SLCO1A2: variants seen among roughly 807,000 people sequenced by gnomAD.
SLCO1A2 encodes the protein OATP-1.
In SLCO1A2, 67 loss-of-function variants were observed where a neutral mutation model predicts 69.0. The observed-to-expected ratio is 0.97, with a 90% CI of 0.80 to 1.19. The LOEUF (loss-of-function observed/expected upper bound fraction) is 1.19. Among genes scored for constraint, SLCO1A2 ranks in the 50% most tolerant of loss-of-function variants. The probability of loss-of-function intolerance (pLI) is 0.00; values close to 1 mark genes in which losing one functional copy is unlikely to be tolerated. For missense variants in SLCO1A2, 787 were observed against 793.7 expected, an observed-to-expected ratio of 0.99 and a Z score of 0.10; for synonymous variants, 260 against 265.9, an observed-to-expected ratio of 0.98 and a Z score of 0.22.
intron 1 of SLCO1A2, among the ~76,000 whole-genome samples, chr12:21,410,857 T>C (rs1941896590): frequency 2.6e-5 from 4 of 152,218 alleles, no homozygotes; most frequent in South Asian, 2.1e-4. Context: ...TTTCTTCATA[T>C]GTTTATTGGC....
At chr12:21,373,739 A>G (rs572557497) in intron 2 of SLCO1A2, 9 of 701,086 alleles carry the variant, frequency 1.3e-5, no homozygotes, top group Middle Eastern at 2.3e-4. Flanking sequence ...AAAAGGTAGT[A>G]ATTTCTTCTA....
upstream of SLCO1A2, among the ~76,000 whole-genome samples, chr12:21,395,812 C>T (rs979312692): frequency 6.6e-6 from 1 of 152,124 alleles, no homozygotes; most frequent in Non-Finnish European, 1.5e-5. Context: ...AGCTGAGGGT[C>T]CTCTCTGTTG....
intron 14 of SLCO1A2, 72 bp from the exon 15 acceptor site, chr12:21,269,839 T>C: frequency 8.4e-7 from 1 of 1,183,868 alleles, no homozygotes; most frequent in East Asian, 2.7e-5. Context: ...TTGTATATCT[T>C]TGTATTTTAT....
At chr12:21,348,772 A>G (rs1937697076) in intron 2 of SLCO1A2, among the ~76,000 whole-genome samples, 1 of 152,190 alleles carries the variant, frequency 6.6e-6, no homozygotes, top group Non-Finnish European at 1.5e-5. Context: ...ATTAATAGTC[A>G]TACTATCTTC....
chr12:21,370,142 T>A (rs554556327), intron 2 of SLCO1A2, among the ~76,000 whole-genome samples: 10 of 152,176 alleles, frequency 6.6e-5, no homozygotes, highest in Non-Finnish European at 1.0e-4. Flanking sequence ...TGTCTTTCAT[T>A]CTGCTCCTGA....
chr12:21,296,879 A>C (rs1947790784), intron 9 of SLCO1A2, among the ~76,000 whole-genome samples: 1 of 152,166 alleles, frequency 6.6e-6, no homozygotes, highest in Admixed American at 6.6e-5. Flanking sequence ...GACTTTTAAA[A>C]ACAGTGGAAA....
At chr12:21,381,984 A>G (rs184567692) in intron 1 of SLCO1A2, among the ~76,000 whole-genome samples, 158 of 152,314 alleles carry the variant, frequency 1.0e-3, no homozygotes, top group Non-Finnish European at 1.8e-3. Flanking sequence ...TGAGTATCTA[A>G]CCAAAGGAAG....
chr12:21,334,691 GAT>G lies in SLCO1A2; in HGVS notation c.-46_-45del. The G allele has an allele frequency of 6.6e-7, 1 of 1,518,486 alleles. No individual in the cohort carries two copies. Among genetic ancestry groups the G allele is most frequent in the South Asian group, 1.2e-5 (1 of 85,442 alleles). The allele number at this position is 1,518,486 out of a possible 1,614,324, so 94.1% of individuals were successfully genotyped here. A position where few individuals can be genotyped will look rare whatever the true frequency, so the allele number is the denominator to read the frequency against. On this transcript the variant is annotated 5_prime_UTR_variant, in exon 2 of 15. Transcript: ENST00000683939. ...CCAAGCTATTTATGTTTTAAATCTT[GAT>G]ATGTCTTACTTCTACCCTTTCAAGC...
At chr12:21,353,423 C>G (rs753401104) in intron 2 of SLCO1A2, among the ~76,000 whole-genome samples, 3 of 150,864 alleles carry the variant, frequency 2.0e-5, no homozygotes, top group Non-Finnish European at 4.4e-5. Context: ...AAGACTTCTA[C>G]TATATGGAAG....
At chr12:21,412,852 C>CG (rs977133359) in intron 1 of SLCO1A2, among the ~76,000 whole-genome samples, 10 of 152,260 alleles carry the variant, frequency 6.6e-5, no homozygotes, top group Admixed American at 2.6e-4. Context: ...TGCCAGGTCA[C>CG]GGTGCTATGA....
chr12:21,350,864 A>AAAAAG (rs1937896315), intron 2 of SLCO1A2, among the ~76,000 whole-genome samples: 4 of 149,120 alleles, frequency 2.7e-5, no homozygotes, highest in East Asian at 1.9e-4. Context: ...AAAAAAAAAA[A>AAAAAG]GTCATGTTTC....
rs576303580 is a variant in SLCO1A2 at position 21,285,183 on chromosome 12, C to T, written c.1610+6981G>A. ...AAAATGATAAAGGGGATATCACCACCGATCCCACAGAAATACAAACTACCA... is the reference window on the plus strand; with the variant it reads ...AAAATGATAAAGGGGATATCACCACTGATCCCACAGAAATACAAACTACCA... On this transcript the variant is annotated intron_variant, in intron 12 of 14. Coordinates refer to ENST00000683939, the MANE Select transcript of SLCO1A2 (RefSeq NM_001386879.1). Among the ~76,000 whole-genome samples, 399 of 150,252 alleles carry T rather than the reference C, an allele frequency of 2.7e-3. 1 individual carries two copies. The highest frequency in any genetic ancestry group is 4.6e-3 in the Non-Finnish European group (310 of 67,558).
intron 13 of SLCO1A2, chr12:21,275,101 T>G: frequency 9.4e-7 from 1 of 1,067,478 alleles, no homozygotes; most frequent in Non-Finnish European, 1.1e-6. Flanking sequence ...TTTAATATTG[T>G]TCTGCACATG....
Position 21,387,263 on chromosome 12 carries a change from C to T in SLCO1A2, c.-190+7643G>A, listed in dbSNP as rs1212854710. ...AATTCAAGCCAGCTGCAGAAATTTG[C>T]GTAAGTAACAAGAAGCCAAATGCTA... On this transcript the variant is annotated intron_variant, in intron 1 of 15. Transcript: ENST00000307378. 5.3e-5 allele frequency among the ~76,000 whole-genome samples: 8 copies of T among 152,240 alleles called. No individual in the cohort carries two copies. In the South Asian group the frequency reaches 8.3e-4, roughly 16 times the overall value.
In SLCO1A2 at chr12:21,294,123, A is replaced by T. The variant is rs1454831638; in HGVS notation, c.1272-13T>A. ...ATCTTGTGGAATTCTGAAGTGATTT[A>T]AAATAATGCCATAGATATTAAAAGA... On this transcript the variant is annotated splice_polypyrimidine_tract_variant and intron_variant, in intron 10 of 14. Coordinates refer to ENST00000683939, the MANE Select transcript of SLCO1A2 (RefSeq NM_001386879.1). 1 of 1,562,880 alleles carries T rather than the reference A, an allele frequency of 6.4e-7. No individual in the cohort carries two copies. The highest frequency in any genetic ancestry group is 8.7e-7 in the Non-Finnish European group (1 of 1,152,878).
chr12:21,346,401 C>A lies in SLCO1A2; in HGVS notation c.-62-11692G>T, dbSNP rs139489422. Among the ~76,000 whole-genome samples, 383 of 152,008 alleles carry A rather than the reference C, an allele frequency of 2.5e-3. 3 individuals are homozygous for A. The highest frequency in any genetic ancestry group is 8.9e-3 in the African/African-American group (370 of 41,462). Reference sequence around the variant, plus strand: ...CAAACACGGATATATTTTTACTGAGCACGGGATACAGATCCATGATGGATT... The same window carrying A: ...CAAACACGGATATATTTTTACTGAGAACGGGATACAGATCCATGATGGATT... On this transcript the variant is annotated intron_variant, in intron 2 of 15. Transcript: ENST00000307378.
At chr12:21,365,708 A>G (rs1939321052) in intron 2 of SLCO1A2, among the ~76,000 whole-genome samples, 1 of 152,212 alleles carries the variant, frequency 6.6e-6, no homozygotes, top group Non-Finnish European at 1.5e-5. Flanking sequence ...CAAGAAAAAA[A>G]ACAAACAACC....
rs1201332785 is a variant in SLCO1A2, at chr12:21,268,882, C to G, written c.*666G>C. The G allele has an allele frequency of 6.6e-6, 1 of 151,778 alleles. No individual in the cohort carries two copies. Among genetic ancestry groups the G allele is most frequent in the East Asian group, 1.9e-4 (1 of 5,192 alleles). 9.4% of individuals were successfully genotyped at this position (151,778 alleles called of 1,614,324 possible). On this transcript the variant is annotated 3_prime_UTR_variant, in exon 15 of 15. Transcript: ENST00000683939. ...GGATTTGAATTACTGAAAAAAAATC[C>G]AACAATCTTTGCCTCATGATGTTTA...
chr12:21,303,919 G>A (rs1226079609), intron 6 of SLCO1A2, among the ~76,000 whole-genome samples: 1 of 152,134 alleles, frequency 6.6e-6, no homozygotes, highest in Non-Finnish European at 1.5e-5. Context: ...GAGCTTATAT[G>A]TGTCATAAAT....
Sources: allele counts gnomAD v4.1 joint callset (sites outside exome capture counted in the v4.1 genomes callset), GRCh38; gene constraint gnomAD v4.1.1; transcripts MANE v1.5; gene names NCBI Gene and HGNC (gene_info 2026-07-23, HGNC 2026-07-21).